The following GRID2 variants were observed in gnomAD, a reference collection of about 807,000 sequenced individuals.
The protein encoded by GRID2 is glutamate receptor ionotropic, delta-2.
A neutral mutation model predicts 114.8 loss-of-function variants in GRID2; 33 were observed. The observed-to-expected ratio is 0.29, with a 90% CI of 0.22 to 0.38. The LOEUF is 0.38. Among genes scored for constraint, GRID2 ranks in the 10% least tolerant of loss-of-function variants. The pLI, the probability that GRID2 is intolerant of heterozygous loss-of-function variation, is 1.00. For missense variants in GRID2, 1,184 were observed against 1,257.7 expected (o/e 0.94, Z 0.89); for synonymous variants, 505 against 449.9 (o/e 1.12, Z -1.55).
chr4:92,696,155 T>C (rs751628210), intron 2 of GRID2, among the ~76,000 whole-genome samples: 6 of 152,120 alleles, frequency 3.9e-5, no homozygotes, highest in Non-Finnish European at 8.8e-5. Flanking sequence ...TCAATTTTCC[T>C]TTTCTTCTCT....
At chr4:93,535,781 T>C (rs945325133) in intron 13 of GRID2, among the ~76,000 whole-genome samples, 4 of 152,088 alleles carry the variant, frequency 2.6e-5, no homozygotes, top group African/African-American at 9.7e-5. Flanking sequence ...GAGTTCCTTA[T>C]ATATTTTGGA....
At chr4:92,318,445 G>A (rs1287103069) in intron 1 of GRID2, among the ~76,000 whole-genome samples, 3 of 149,062 alleles carry the variant, frequency 2.0e-5, no homozygotes, top group African/African-American at 7.4e-5. Context: ...AGGTAGGTTG[G>A]CTAAGTTTAC....
chr4:92,966,650 C>G (rs1004790448), intron 2 of GRID2, among the ~76,000 whole-genome samples: 3 of 151,912 alleles, frequency 2.0e-5, no homozygotes, highest in African/African-American at 7.2e-5. Context: ...TTCCCCTGCA[C>G]AAACTCTCTT....
intron 11 of GRID2, among the ~76,000 whole-genome samples, chr4:93,460,840 A>G (rs1723669710): frequency 6.6e-6 from 1 of 151,624 alleles, no homozygotes; most frequent in Non-Finnish European, 1.5e-5. Context: ...CACTAAACCA[A>G]AAAGAAATTT....
intron 1 of GRID2, among the ~76,000 whole-genome samples, chr4:92,385,444 A>G (rs1729899935): frequency 6.6e-6 from 1 of 151,820 alleles, no homozygotes; most frequent in Non-Finnish European, 1.5e-5. Context: ...ATTATTAAAA[A>G]TTGACTCATG....
chr4:93,608,508 G>C (rs1218114423), intron 13 of GRID2, among the ~76,000 whole-genome samples: 1 of 144,146 alleles, frequency 6.9e-6, no homozygotes, highest in Non-Finnish European at 1.5e-5. Context: ...TCCCCTTCCT[G>C]TGTCCATGTG....
chr4:92,814,134 A>G (rs938750976), intron 2 of GRID2, among the ~76,000 whole-genome samples: 1 of 152,124 alleles, frequency 6.6e-6, no homozygotes, highest in African/African-American at 2.4e-5. Flanking sequence ...CTTTTATGCC[A>G]TGGAGTGGGC....
chr4:93,346,910 A>G (rs535965350), intron 8 of GRID2, among the ~76,000 whole-genome samples: 1 of 152,318 alleles, frequency 6.6e-6, no homozygotes, highest in East Asian at 1.9e-4. Flanking sequence ...AAGTTTTGAT[A>G]AATAATATCC....
intron 2 of GRID2, among the ~76,000 whole-genome samples, chr4:92,740,741 T>C (rs151012342): frequency 1.7e-4 from 25 of 145,200 alleles, no homozygotes; most frequent in Non-Finnish European, 3.1e-4. Context: ...GATAGATAGA[T>C]GGATAGATAG....
chr4:93,569,333 G>T (rs1352973955), intron 13 of GRID2, among the ~76,000 whole-genome samples: 1 of 151,950 alleles, frequency 6.6e-6, no homozygotes, highest in Admixed American at 6.6e-5. Context: ...TCTGCTTCTG[G>T]AGAAGCCTAC....
chr4:92,860,366 G>A (rs1190535681), intron 2 of GRID2, among the ~76,000 whole-genome samples: 1 of 152,062 alleles, frequency 6.6e-6, no homozygotes, highest in Non-Finnish European at 1.5e-5. Flanking sequence ...AATTTTAAAA[G>A]CGATTTAATT....
chr4:93,492,307 A>G (rs1727084811), intron 12 of GRID2, among the ~76,000 whole-genome samples: 1 of 151,866 alleles, frequency 6.6e-6, no homozygotes, highest in African/African-American at 2.4e-5. Flanking sequence ...ACTATGAATA[A>G]CTCATTTTAT....
chr4:93,639,813 G>T lies in GRID2; in HGVS notation c.2360+13378G>T, dbSNP rs1197007472. ...TGCGGGTTCTTTTTTGGTTCCATAT[G>T]AACTTTAAAGTAGTTTTTTCCAATT... On this transcript the variant is annotated intron_variant, in intron 14 of 15. Transcript: ENST00000282020. 1.7e-4 allele frequency among the ~76,000 whole-genome samples: 2 copies of T among 11,564 alleles called. 1 individual carries two copies. Among genetic ancestry groups the T allele is most frequent in the Non-Finnish European group, 2.6e-4 (2 of 7,560 alleles). The allele number at this position is 11,564 out of a possible 152,430, so 7.6% of individuals were successfully genotyped here. A position where few individuals can be genotyped will look rare whatever the true frequency, so the allele number is the denominator to read the frequency against.
intron 1 of GRID2, among the ~76,000 whole-genome samples, chr4:92,576,013 G>T (rs1411000062): frequency 2.0e-5 from 3 of 152,324 alleles, no homozygotes; most frequent in Non-Finnish European, 4.4e-5. Flanking sequence ...AACCGCCTCT[G>T]CCCATTGGCT....
At chr4:93,571,886 A>G (rs1320186793) in intron 13 of GRID2, among the ~76,000 whole-genome samples, 1 of 152,148 alleles carries the variant, frequency 6.6e-6, no homozygotes, top group East Asian at 1.9e-4. Context: ...TTTACTCCCC[A>G]GCTCTGTTAA....
At chr4:92,822,376 C>G in intron 2 of GRID2, 1 of 610,214 alleles carries the variant, frequency 1.6e-6, no homozygotes, top group African/African-American at 1.8e-5. Context: ...AGTGGTTCAT[C>G]TTCAGCTTGC....
intron 2 of GRID2, among the ~76,000 whole-genome samples, chr4:92,600,431 C>T (rs1729170664): frequency 6.6e-6 from 1 of 151,854 alleles, no homozygotes; most frequent in Non-Finnish European, 1.5e-5. Flanking sequence ...AGAAATCCTG[C>T]TTTTATTATG....
At chr4:92,735,870 G>C (rs1736572137) in intron 2 of GRID2, among the ~76,000 whole-genome samples, 1 of 151,952 alleles carries the variant, frequency 6.6e-6, no homozygotes, top group Non-Finnish European at 1.5e-5. Context: ...GAGGTCACAT[G>C]AAAACATAAC....
chr4:93,617,729 CACAG>C (rs1741822022), intron 13 of GRID2, among the ~76,000 whole-genome samples: 1 of 151,922 alleles, frequency 6.6e-6, no homozygotes, highest in South Asian at 2.1e-4. Context: ...ACCGTTAATC[CACAG>C]ACAAAGGACT....
Sources: allele counts gnomAD v4.1 joint callset (sites outside exome capture counted in the v4.1 genomes callset), GRCh38; gene constraint gnomAD v4.1.1; transcripts MANE v1.5; gene names NCBI Gene and HGNC (gene_info 2026-07-23, HGNC 2026-07-21).